Variants in IL1RAPL1 observed in about 807,000 individuals in gnomAD.
IL1RAPL1 encodes the protein interleukin 1 receptor accessory protein like 1, also known as interleukin-1 receptor accessory protein-like 1.
Under a neutral mutation model 48.4 loss-of-function variants are expected in IL1RAPL1, and 3 were observed. The observed-to-expected ratio is 0.06, with a 90% CI of 0.03 to 0.16. The LOEUF is 0.16. Ranked by LOEUF, IL1RAPL1 falls within the 10% of genes least tolerant of loss-of-function variation. IL1RAPL1 has a pLI of 1.00. For synonymous variants in IL1RAPL1, 185 were observed against 187.7 expected (o/e 0.99, Z 0.12); for missense variants, 349 against 530.6 (o/e 0.66, Z 3.36).
chrX:28,977,506 C>T (rs1925233955), intron 2 of IL1RAPL1, among the ~76,000 whole-genome samples: 1 of 112,106 alleles, frequency 8.9e-6, no homozygotes, highest in African/African-American at 3.2e-5. Context: ...ATGATCCAGT[C>T]AACTTCCACC....
At chrX:29,944,781 C>T (rs754340075) in intron 9 of IL1RAPL1, among the ~76,000 whole-genome samples, 1 of 111,326 alleles carries the variant, frequency 9.0e-6, no homozygotes, top group African/African-American at 3.3e-5. Flanking sequence ...ATACTACCAC[C>T]TGGTCTTTGG....
intron 6 of IL1RAPL1, among the ~76,000 whole-genome samples, chrX:29,699,237 A>G: frequency 8.9e-6 from 1 of 112,377 alleles, no homozygotes; most frequent in Non-Finnish European, 1.9e-5. Flanking sequence ...TTTTGTTTTA[A>G]TGATTTCTGA....
At chrX:29,555,112 G>A (rs896143919) in intron 5 of IL1RAPL1, among the ~76,000 whole-genome samples, 1 of 112,574 alleles carries the variant, frequency 8.9e-6, no homozygotes, top group African/African-American at 3.2e-5. Flanking sequence ...TTCACAAACA[G>A]CTTTTCCCAT....
intron 3 of IL1RAPL1, among the ~76,000 whole-genome samples, chrX:29,392,585 T>C (rs1417677362): frequency 8.9e-6 from 1 of 112,199 alleles, no homozygotes; most frequent in African/African-American, 3.2e-5. Context: ...TTGAAAATAG[T>C]GCCATCCTGG....
intron 2 of IL1RAPL1, among the ~76,000 whole-genome samples, chrX:29,028,096 A>C (rs1926527625): frequency 9.1e-6 from 1 of 110,364 alleles, no homozygotes; most frequent in Non-Finnish European, 1.9e-5. Flanking sequence ...CATTTTTTGC[A>C]ATGAAAACAC....
At chrX:29,397,980 C>A (rs2147687177) in intron 4 of IL1RAPL1, among the ~76,000 whole-genome samples, 1 of 111,871 alleles carries the variant, frequency 8.9e-6, no homozygotes, top group East Asian at 2.8e-4. Flanking sequence ...TGACCTTAAG[C>A]TATGCAGACT....
At chrX:28,799,779 T>G (rs1219153732) in intron 2 of IL1RAPL1, among the ~76,000 whole-genome samples, 1 of 111,790 alleles carries the variant, frequency 8.9e-6, no homozygotes, top group South Asian at 3.7e-4. Context: ...TAGTGAGTGT[T>G]TGGAGATGAA....
At position 28,719,898 on chromosome X, in the gene IL1RAPL1, C is replaced by A. The variant is rs377702570; in HGVS notation, c.-24-69422C>A. On this transcript the variant is annotated intron_variant, in intron 1 of 10. Transcript: ENST00000378993. ...TTTAGTCTATGTTTCTCATGAAAGTCAAGAATAGCATAACATTAGAGGTAC... is the reference window on the plus strand; with the variant it reads ...TTTAGTCTATGTTTCTCATGAAAGTAAAGAATAGCATAACATTAGAGGTAC... Among the ~76,000 whole-genome samples the A allele has an allele frequency of 2.6e-4, 29 of 110,744 alleles. No homozygotes were observed. In the East Asian group the frequency reaches 5.1e-3, roughly 20 times the overall value.
chrX:29,700,750 T>A (rs1313661245), intron 6 of IL1RAPL1, among the ~76,000 whole-genome samples: 1 of 111,611 alleles, frequency 9.0e-6, no homozygotes, highest in Non-Finnish European at 1.9e-5. Context: ...TCAGGAGTTG[T>A]GAGGGATTGA....
At chrX:29,675,186 C>A (rs372511615) in intron 6 of IL1RAPL1, among the ~76,000 whole-genome samples, 144 of 111,999 alleles carry the variant, frequency 1.3e-3, no homozygotes, top group African/African-American at 4.4e-3. Flanking sequence ...ATGTATCTGA[C>A]AAAAAAGGTC....
chrX:29,891,736 T>G (rs1932278522), intron 6 of IL1RAPL1, among the ~76,000 whole-genome samples: 1 of 111,447 alleles, frequency 9.0e-6, no homozygotes, highest in Non-Finnish European at 1.9e-5. Context: ...TCTTCCTAGG[T>G]TATCTTACAG....
intron 5 of IL1RAPL1, among the ~76,000 whole-genome samples, chrX:29,658,884 AT>A (rs1170025070): frequency 1.8e-5 from 2 of 111,757 alleles, no homozygotes; most frequent in African/African-American, 3.3e-5. Context: ...CCTAATTATA[AT>A]TTTCCTGCTG....
At chrX:29,135,820 C>T (rs750856570) in intron 2 of IL1RAPL1, among the ~76,000 whole-genome samples, 4 of 111,829 alleles carry the variant, frequency 3.6e-5, no homozygotes, top group African/African-American at 1.3e-4. Context: ...CTACAACTTC[C>T]ATCTCCCATG....
chrX:29,083,332 A>G (rs766344372), intron 2 of IL1RAPL1, among the ~76,000 whole-genome samples: 12 of 112,104 alleles, frequency 1.1e-4, no homozygotes, highest in Middle Eastern at 4.6e-3. Flanking sequence ...TCAGCAAGCT[A>G]TGATATTAAA....
intron 6 of IL1RAPL1, among the ~76,000 whole-genome samples, chrX:29,802,616 G>C (rs1448558916): frequency 9.6e-6 from 1 of 104,066 alleles, no homozygotes; most frequent in African/African-American, 3.5e-5. Flanking sequence ...TTTTATTGTA[G>C]AACAACAAAA....
At chrX:28,868,758 AAT>A (rs1247172316) in intron 2 of IL1RAPL1, among the ~76,000 whole-genome samples, 2 of 112,327 alleles carry the variant, frequency 1.8e-5, no homozygotes, top group Admixed American at 1.9e-4. Context: ...TTTTAAAGAC[AAT>A]ATTTAGTCTT....
chrX:28,859,384 C>T (rs1921884667), intron 2 of IL1RAPL1, among the ~76,000 whole-genome samples: 1 of 111,262 alleles, frequency 9.0e-6, no homozygotes, highest in Admixed American at 9.6e-5. Flanking sequence ...TCAAGCTTCC[C>T]GAGGAGTTGG....
chrX:29,483,316 T>C (rs1488311324), intron 5 of IL1RAPL1, among the ~76,000 whole-genome samples: 1 of 111,739 alleles, frequency 8.9e-6, no homozygotes, highest in Non-Finnish European at 1.9e-5. Flanking sequence ...AAGGCTTCAG[T>C]AAACTTGAGG....
chrX:28,981,467 T>C (rs1002625191), intron 2 of IL1RAPL1, among the ~76,000 whole-genome samples: 3 of 111,703 alleles, frequency 2.7e-5, no homozygotes, highest in Non-Finnish European at 5.6e-5. Context: ...AATAATTGTT[T>C]GCTAATAGCC....
Sources: gnomAD v4.1 joint callset for allele counts (sites outside exome capture counted in the v4.1 genomes callset) on GRCh38, gnomAD v4.1.1 for gene constraint, MANE v1.5 for transcripts, NCBI Gene and HGNC (gene_info 2026-07-23, HGNC 2026-07-21) for gene names.